Variants in EYA4 observed in about 807,000 individuals in gnomAD.
EYA4 encodes protein phosphatase EYA4.
A neutral mutation model predicts 87.9 loss-of-function variants in EYA4; 31 were observed. That is an observed-to-expected ratio of 0.35 (90% confidence interval 0.27 to 0.48). The LOEUF (loss-of-function observed/expected upper bound fraction) is 0.48, where lower values mean the gene tolerates loss of function less well. EYA4 is among the 20% of genes least tolerant of loss of function. The probability of loss-of-function intolerance (pLI) is 0.99; values close to 1 mark genes in which losing one functional copy is unlikely to be tolerated. For synonymous variants in EYA4, 263 were observed against 270.6 expected (o/e 0.97, Z 0.28); for missense variants, 678 against 761.4 (o/e 0.89, Z 1.29).
intron 2 of EYA4, among the ~76,000 whole-genome samples, chr6:133,320,011 C>A (rs1230243196): frequency 1.3e-5 from 2 of 152,022 alleles, no homozygotes; most frequent in Non-Finnish European, 2.9e-5. Flanking sequence ...CCATGCCCAG[C>A]CTACTTCATA....
chr6:133,312,046 A>C (rs1780263843), intron 2 of EYA4, among the ~76,000 whole-genome samples: 1 of 152,086 alleles, frequency 6.6e-6, no homozygotes, highest in Non-Finnish European at 1.5e-5. Flanking sequence ...AGTCTTACTG[A>C]GATAGTCATG....
At chr6:133,517,524 C>A (rs1799701651) in intron 17 of EYA4, among the ~76,000 whole-genome samples, 1 of 145,604 alleles carries the variant, frequency 6.9e-6, no homozygotes. Flanking sequence ...GCAGAAAAGC[C>A]TGACAGGGCA....
At chr6:133,387,759 G>A (rs1281289273) in intron 3 of EYA4, among the ~76,000 whole-genome samples, 1 of 152,074 alleles carries the variant, frequency 6.6e-6, no homozygotes, top group African/African-American at 2.4e-5. Flanking sequence ...TTTAACCTGA[G>A]TCATATTATA....
chr6:133,266,701 A>G (rs1465037461), intron 1 of EYA4, among the ~76,000 whole-genome samples: 1 of 152,180 alleles, frequency 6.6e-6, no homozygotes, highest in Non-Finnish European at 1.5e-5. Context: ...AAAAGTTTCT[A>G]TCTGTATTGT....
At chr6:133,247,941 A>G (rs1427449691) in intron 1 of EYA4, 8 of 152,100 alleles carry the variant, frequency 5.3e-5, no homozygotes, top group Non-Finnish European at 2.9e-5. Context: ...TCACTAAAAA[A>G]CAGACTGTCA....
chr6:133,516,997 T>C (rs1799654186), intron 17 of EYA4, among the ~76,000 whole-genome samples: 1 of 152,220 alleles, frequency 6.6e-6, no homozygotes, highest in South Asian at 2.1e-4. Flanking sequence ...TGTGTCTTTA[T>C]TATAAAATGA....
intron 2 of EYA4, among the ~76,000 whole-genome samples, chr6:133,332,653 C>T (rs1441590329): frequency 6.6e-6 from 1 of 152,074 alleles, no homozygotes; most frequent in Non-Finnish European, 1.5e-5. Flanking sequence ...AAGCTATTCC[C>T]CTGCCTCAGC....
At chr6:133,245,323 T>C (rs1174249562) in intron 1 of EYA4, 1 of 152,224 alleles carries the variant, frequency 6.6e-6, no homozygotes, top group African/African-American at 2.4e-5. Flanking sequence ...AATCCTCTCA[T>C]TGAAGAGCTG....
intron 2 of EYA4, among the ~76,000 whole-genome samples, chr6:133,309,390 C>T (rs1397548375): frequency 6.6e-6 from 1 of 152,084 alleles, no homozygotes; most frequent in Non-Finnish European, 1.5e-5. Flanking sequence ...AGTAATGATT[C>T]TCTTAAAATA....
chr6:133,513,646 C>T (rs1214041024), intron 16 of EYA4, among the ~76,000 whole-genome samples: 3 of 152,060 alleles, frequency 2.0e-5, no homozygotes, highest in Non-Finnish European at 2.9e-5. Flanking sequence ...ATATATTTTA[C>T]AGGTGATATC....
chr6:133,287,436 T>A (rs17062277), intron 2 of EYA4, among the ~76,000 whole-genome samples: 27,069 of 152,062 alleles, frequency 0.18, 2,870 homozygotes, highest in East Asian at 0.42. Context: ...ATATAAGGTG[T>A]TAAGGCCTGC....
At chr6:133,367,798 G>A (rs1444839971) in intron 2 of EYA4, among the ~76,000 whole-genome samples, 1 of 152,154 alleles carries the variant, frequency 6.6e-6, no homozygotes, top group African/African-American at 2.4e-5. Context: ...CCTACAGGAT[G>A]TCATAATAAT....
intron 2 of EYA4, among the ~76,000 whole-genome samples, chr6:133,352,431 ATACT>A (rs1186497708): frequency 6.6e-6 from 1 of 152,156 alleles, no homozygotes; most frequent in South Asian, 2.1e-4. Flanking sequence ...AAACAATATA[ATACT>A]TAATATTAAG....
chr6:133,480,166 A>C (rs1025320104), intron 11 of EYA4, among the ~76,000 whole-genome samples: 1 of 152,168 alleles, frequency 6.6e-6, no homozygotes, highest in Non-Finnish European at 1.5e-5. Context: ...TGGGAGAAGT[A>C]CAGGAGTCCA....
rs748579374 is a variant in EYA4 at position 133,482,999 on chromosome 6, T to C, written c.1108-33T>C. On this transcript the variant is annotated intron_variant, in intron 12 of 19. Coordinates refer to ENST00000355286, the MANE Select transcript of EYA4 (RefSeq NM_004100.5). The stretch of plus-strand genomic sequence containing the variant: ...AAGAGATTTCTGTTTCCTTGGACTT[T>C]TTAATTTTCTGATATTTATTTTTTG... 3.2e-6 allele frequency: 5 copies of C among 1,569,670 alleles called. No individual in the cohort carries two copies. The South Asian group carries it at 5.6e-5, about 17-fold the overall frequency.
intron 3 of EYA4, among the ~76,000 whole-genome samples, chr6:133,414,880 A>G (rs566116183): frequency 1.6e-4 from 25 of 152,342 alleles, no homozygotes; most frequent in African/African-American, 5.3e-4. Context: ...GAGGTGGGTG[A>G]CGTTATATGT....
chr6:133,293,101 T>C (rs929836356), intron 2 of EYA4, among the ~76,000 whole-genome samples: 1 of 152,198 alleles, frequency 6.6e-6, no homozygotes, highest in Non-Finnish European at 1.5e-5. Context: ...CTCCTCTTCC[T>C]TAGGTGTTTT....
chr6:133,289,020 G>A (rs1411544111), intron 2 of EYA4, among the ~76,000 whole-genome samples: 1 of 152,200 alleles, frequency 6.6e-6, no homozygotes, highest in East Asian at 1.9e-4. Context: ...GAGAAAGTTT[G>A]TAAGTTTAAA....
intron 6 of EYA4, among the ~76,000 whole-genome samples, chr6:133,457,586 T>C (rs186235293): frequency 1.5e-4 from 23 of 152,264 alleles, no homozygotes; most frequent in African/African-American, 5.5e-4. Flanking sequence ...TGATCTAATT[T>C]CACTAGTTCA....
Sources: allele counts gnomAD v4.1 joint callset (sites outside exome capture counted in the v4.1 genomes callset), GRCh38; gene constraint gnomAD v4.1.1; transcripts MANE v1.5; gene names NCBI Gene and HGNC (gene_info 2026-07-23, HGNC 2026-07-21).